Variants in CPLX2 observed in about 807,000 individuals in gnomAD.
The protein encoded by CPLX2 is complexin 2, also known as complexin-2.
CPLX2 carries 5 observed loss-of-function variants against 16.3 expected under a neutral mutation model. That is an observed-to-expected ratio of 0.31 (90% CI 0.16 to 0.64). CPLX2 has a LOEUF of 0.64. Among genes scored for constraint, CPLX2 ranks in the 30% least tolerant of loss-of-function variants. The pLI is 0.79. For synonymous variants in CPLX2, 89 were observed against 73.2 expected (o/e 1.22, Z -1.10); for missense variants, 144 against 181.4 (o/e 0.79, Z 1.18).
intron 2 of CPLX2, among the ~76,000 whole-genome samples, chr5:175,860,890 T>G (rs1234709008): frequency 6.6e-6 from 1 of 151,742 alleles, no homozygotes; most frequent in Non-Finnish European, 1.5e-5. Context: ...AAATGTATTA[T>G]GACCACAGCA....
At chr5:175,829,295 G>C (rs1758684585) in intron 2 of CPLX2, among the ~76,000 whole-genome samples, 1 of 152,232 alleles carries the variant, frequency 6.6e-6, no homozygotes, top group Non-Finnish European at 1.5e-5. Flanking sequence ...TCTGAAACCA[G>C]CTGGTAAATA....
At chr5:175,807,692 T>C (rs917441925) in intron 1 of CPLX2, among the ~76,000 whole-genome samples, 7 of 41,994 alleles carry the variant, frequency 1.7e-4, no homozygotes, top group African/African-American at 6.1e-4. Flanking sequence ...ACCCACTTAC[T>C]CATCATTCAT....
intron 2 of CPLX2, among the ~76,000 whole-genome samples, chr5:175,853,652 G>C (rs536748525): frequency 6.6e-6 from 1 of 152,140 alleles, no homozygotes; most frequent in Non-Finnish European, 1.5e-5. Context: ...AAGAGGAGAC[G>C]GTACAAAGTC....
chr5:175,829,974 T>C (rs550919299), intron 2 of CPLX2, among the ~76,000 whole-genome samples: 2 of 152,336 alleles, frequency 1.3e-5, no homozygotes, highest in South Asian at 4.1e-4. Flanking sequence ...AGCCAATTTC[T>C]GCACCATCAG....
chr5:175,823,628 A>G (rs1758553201), intron 2 of CPLX2, among the ~76,000 whole-genome samples: 2 of 152,198 alleles, frequency 1.3e-5, no homozygotes, highest in East Asian at 1.9e-4. Flanking sequence ...CTATTAATAC[A>G]GAGACTATAA....
chr5:175,837,240 G>T (rs555655582), intron 2 of CPLX2, among the ~76,000 whole-genome samples: 1 of 152,136 alleles, frequency 6.6e-6, no homozygotes, highest in Non-Finnish European at 1.5e-5. Context: ...CTGAAGAAAG[G>T]CCTCGGGGCA....
At position 175,882,564 on chromosome 5, in the gene CPLX2, C is replaced by T. The variant is rs1755646174; in HGVS notation, c.*2519C>T. On this transcript the variant is annotated 3_prime_UTR_variant, in exon 4 of 4. Coordinates refer to ENST00000393745, the MANE Select transcript of CPLX2 (RefSeq NM_001008220.2). ...CAGAGGGCTGCCCTGGTGTTCTCCA[C>T]AGTGCAGTCCCTCTGTATTCCCAGA... 6.5e-6 allele frequency: 1 copy of T among 152,682 alleles called. No homozygotes were observed. The highest frequency in any genetic ancestry group is 1.5e-5 in the Non-Finnish European group (1 of 68,060). The allele number at this position is 152,682 out of a possible 1,614,324, so 9.5% of individuals were successfully genotyped here.
At chr5:175,844,723 G>A (rs1242182958) in intron 2 of CPLX2, among the ~76,000 whole-genome samples, 1 of 152,256 alleles carries the variant, frequency 6.6e-6, no homozygotes, top group African/African-American at 2.4e-5. Flanking sequence ...CGAACAGAGG[G>A]ATCCTGTGAA....
intron 2 of CPLX2, among the ~76,000 whole-genome samples, chr5:175,815,340 T>C (rs1758386365): frequency 6.6e-6 from 1 of 151,774 alleles, no homozygotes; most frequent in Admixed American, 6.6e-5. Context: ...ACCGACTCAC[T>C]CAGGGGCTGC....
intron 2 of CPLX2, among the ~76,000 whole-genome samples, chr5:175,860,556 GA>G (rs535268458): frequency 8.3e-6 from 1 of 120,164 alleles, no homozygotes; most frequent in African/African-American, 3.2e-5. Context: ...TAGAAAGAAA[GA>G]AAGAAAAAGA....
At chr5:175,857,684 A>G (rs1759285592) in intron 2 of CPLX2, among the ~76,000 whole-genome samples, 1 of 152,240 alleles carries the variant, frequency 6.6e-6, no homozygotes, top group Admixed American at 6.5e-5. Context: ...ATTCTACTGA[A>G]TGTGTATTGC....
At chr5:175,799,563 T>TATATAA (rs1758053507) in intron 1 of CPLX2, among the ~76,000 whole-genome samples, 1 of 142,984 alleles carries the variant, frequency 7.0e-6, no homozygotes, top group African/African-American at 2.6e-5. Context: ...TATATATATA[T>TATATAA]ATATATATAT....
chr5:175,820,068 C>T (rs370352879), intron 2 of CPLX2, among the ~76,000 whole-genome samples: 1 of 152,218 alleles, frequency 6.6e-6, no homozygotes, highest in Non-Finnish European at 1.5e-5. Flanking sequence ...AGGTGAGTGT[C>T]CCCAGCCTGA....
At chr5:175,852,596 G>A (rs1759179250) in intron 2 of CPLX2, among the ~76,000 whole-genome samples, 1 of 152,208 alleles carries the variant, frequency 6.6e-6, no homozygotes, top group Non-Finnish European at 1.5e-5. Context: ...GATTGCTGTT[G>A]CCTTTTTCTG....
intron 1 of CPLX2, among the ~76,000 whole-genome samples, chr5:175,798,765 T>C (rs756122984): frequency 4.0e-5 from 6 of 151,842 alleles, no homozygotes; most frequent in Non-Finnish European, 8.8e-5. Flanking sequence ...GCTTCAACAG[T>C]TGGCCAATTT....
intron 2 of CPLX2, among the ~76,000 whole-genome samples, chr5:175,827,932 C>A (rs1205974724): frequency 6.6e-6 from 1 of 152,162 alleles, no homozygotes; most frequent in Non-Finnish European, 1.5e-5. Flanking sequence ...AGACTCTGCC[C>A]CCAAGGAGTT....
chr5:175,827,089 G>A (rs1391082134), intron 2 of CPLX2, among the ~76,000 whole-genome samples: 1 of 152,180 alleles, frequency 6.6e-6, no homozygotes, highest in African/African-American at 2.4e-5. Context: ...TGCAGCAACA[G>A]GAGACTCCAA....
chr5:175,816,693 A>G (rs1255625803), intron 2 of CPLX2, among the ~76,000 whole-genome samples: 2 of 152,226 alleles, frequency 1.3e-5, no homozygotes, highest in Non-Finnish European at 2.9e-5. Context: ...GCCAGGAACC[A>G]GAGGTGCTCG....
At chr5:175,871,433 CAGAGAGAGAGAGAGAGAGAGAG>C (rs1224968162), upstream of CPLX2, 1 of 27,516 alleles carries the variant, frequency 3.6e-5, no homozygotes, top group African/African-American at 1.5e-4. Context: ...GAGAGAGAGA[CAGAGAGAGAGAGAGAGAGAGAG>C]AGAGAGAGAG....
Sources: allele counts gnomAD v4.1 joint callset (sites outside exome capture counted in the v4.1 genomes callset), GRCh38; gene constraint gnomAD v4.1.1; transcripts MANE v1.5; gene names NCBI Gene and HGNC (gene_info 2026-07-23, HGNC 2026-07-21).